The following CFAP61 variants were observed in gnomAD, a reference collection of about 807,000 sequenced individuals.
The protein encoded by CFAP61 is cilia and flagella associated protein 61, also known as cilia- and flagella-associated protein 61.
A neutral mutation model predicts 135.6 loss-of-function variants in CFAP61; 107 were observed. That is an observed-to-expected ratio of 0.79 (90% CI 0.67 to 0.93). The LOEUF (loss-of-function observed/expected upper bound fraction) is 0.93, where lower values mean the gene tolerates loss of function less well. CFAP61 is among the 40% of genes least tolerant of loss of function. The pLI, the probability that CFAP61 is intolerant of heterozygous loss-of-function variation, is 0.00. For missense variants in CFAP61, 1,507 were observed against 1,556.2 expected (o/e 0.97, Z 0.53); for synonymous variants, 575 against 578.5 (o/e 0.99, Z 0.09).
intron 2 of CFAP61, among the ~76,000 whole-genome samples, chr20:20,057,137 AAAAAGAAGG>A (rs1449955528): frequency 2.0e-5 from 3 of 151,674 alleles, no homozygotes; most frequent in Non-Finnish European, 4.4e-5. Flanking sequence ...AAAAAAAAAA[AAAAAGAAGG>A]TTCCTCAATT....
intron 11 of CFAP61, 89 bp from the exon 12 acceptor site, chr20:20,166,308 G>T: frequency 9.3e-7 from 1 of 1,080,464 alleles, no homozygotes. Context: ...ATCGCTGCCC[G>T]AGGGGAGGGA....
Position 20,237,507 on chromosome 20 carries a change from C to T in CFAP61, c.2061-8610C>T, listed in dbSNP as rs2049690005. Among the ~76,000 whole-genome samples the T allele has an allele frequency of 2.0e-5, 3 of 152,192 alleles. 1 individual carries two copies. The South Asian group carries it at 6.2e-4, about 32-fold the overall frequency. The stretch of plus-strand genomic sequence containing the variant: ...CTGCCCACTCCCTTCTAGATGTGTT[C>T]AGAATCCTCCATCCCACACCTCCTC... On this transcript the variant is annotated intron_variant, in intron 18 of 26. Transcript: ENST00000245957.
At chr20:20,309,613 A>G (rs113689213) in intron 25 of CFAP61, among the ~76,000 whole-genome samples, 145 of 152,300 alleles carry the variant, frequency 9.5e-4, no homozygotes, top group African/African-American at 3.2e-3. Flanking sequence ...CATACAGGAC[A>G]AATAGGAGTA....
chr20:20,236,420 G>T (rs992579123), intron 18 of CFAP61, among the ~76,000 whole-genome samples: 10 of 152,122 alleles, frequency 6.6e-5, no homozygotes, highest in African/African-American at 2.4e-4. Context: ...ATTGCTCATT[G>T]TAACTAACTC....
intron 8 of CFAP61, among the ~76,000 whole-genome samples, chr20:20,124,400 TG>T (rs2146703222): frequency 1.3e-5 from 2 of 151,940 alleles, no homozygotes; most frequent in South Asian, 4.1e-4. Flanking sequence ...TTTATTACAT[TG>T]AGGTATGTTC....
At chr20:20,164,982 T>A (rs2053708099) in intron 11 of CFAP61, among the ~76,000 whole-genome samples, 2 of 152,248 alleles carry the variant, frequency 1.3e-5, no homozygotes, top group South Asian at 4.2e-4. Context: ...ACAAGAACAG[T>A]ATGGGGGAAC....
chr20:20,290,426 A>G (rs1357817114), intron 24 of CFAP61, 35 bp downstream of exon 24: 1 of 1,371,402 alleles, frequency 7.3e-7, no homozygotes, highest in Non-Finnish European at 1.0e-6. Flanking sequence ...TTTACTTTCA[A>G]ATACAAAACT....
At chr20:20,230,995 A>C (rs748826850) in intron 18 of CFAP61, among the ~76,000 whole-genome samples, 4 of 152,168 alleles carry the variant, frequency 2.6e-5, no homozygotes, top group Admixed American at 6.5e-5. Flanking sequence ...AAACAAACAC[A>C]ACTTTGTTCT....
chr20:20,228,892 G>C (rs2048929002), intron 18 of CFAP61, among the ~76,000 whole-genome samples: 1 of 152,228 alleles, frequency 6.6e-6, no homozygotes, highest in Admixed American at 6.5e-5. Context: ...CTGGGGAATG[G>C]TCTAGGAATC....
intron 11 of CFAP61, among the ~76,000 whole-genome samples, chr20:20,165,576 C>A (rs13039276): frequency 6.6e-6 from 1 of 151,916 alleles, no homozygotes; most frequent in Non-Finnish European, 1.5e-5. Flanking sequence ...GGACACTGGA[C>A]GCTGCCCTCA....
chr20:20,277,036 G>C (rs2053813619), intron 21 of CFAP61, 130 bp from the exon 22 acceptor site: 1 of 665,834 alleles, frequency 1.5e-6, no homozygotes, highest in East Asian at 2.7e-5. Context: ...GCCGTTGCTA[G>C]GTAACACCGC....
chr20:20,165,754 TCCCAG>T (rs1569044336), intron 11 of CFAP61, among the ~76,000 whole-genome samples: 2 of 152,188 alleles, frequency 1.3e-5, no homozygotes, highest in African/African-American at 4.8e-5. Context: ...TTAAACATGT[TCCCAG>T]TCTCCCAGCA....
intron 2 of CFAP61, among the ~76,000 whole-genome samples, chr20:20,063,680 C>A (rs1050991761): frequency 2.0e-5 from 3 of 152,128 alleles, no homozygotes; most frequent in Non-Finnish European, 4.4e-5. Flanking sequence ...TGCCTGTTGT[C>A]ATGAGATCCT....
chr20:20,142,932 C>T lies in CFAP61; in HGVS notation c.935C>T (p.Thr312Ile), dbSNP rs2051531553. The change falls in exon 9 of 27, where the codon ACC (threonine) becomes ATC (isoleucine). Residue 312 changes from threonine to isoleucine, a missense_variant. Coordinates refer to ENST00000245957, the MANE Select transcript of CFAP61 (RefSeq NM_015585.4). ...EELQEPVSPD[T>I]MENIQGNIAR... Reference sequence around the variant, plus strand: ...TTGCAGGAACCTGTCTCTCCAGATACCATGGAAAACATCCAGGTGAGAGAG... The same window carrying T: ...TTGCAGGAACCTGTCTCTCCAGATATCATGGAAAACATCCAGGTGAGAGAG... 3 of 1,589,880 alleles carry T rather than the reference C, an allele frequency of 1.9e-6. No individual in the cohort carries two copies. Among genetic ancestry groups the T allele is most frequent in the Non-Finnish European group, 2.6e-6 (3 of 1,165,700 alleles).
intron 17 of CFAP61, among the ~76,000 whole-genome samples, chr20:20,213,126 C>T (rs575190897): frequency 3.9e-4 from 60 of 152,324 alleles, no homozygotes; most frequent in African/African-American, 1.3e-3. Context: ...CACTTCTTCC[C>T]TCAGACCCTC....
At chr20:20,117,612 G>A (rs544041909) in intron 8 of CFAP61, among the ~76,000 whole-genome samples, 1 of 152,096 alleles carries the variant, frequency 6.6e-6, no homozygotes, top group South Asian at 2.1e-4. Flanking sequence ...TGTTTTTTCT[G>A]TTTCTATGAA....
rs1371976088 is a variant in CFAP61 at position 20,354,673 on chromosome 20, GA to G, written c.3514-5536del. Reference sequence around the variant, plus strand: ...GGAAGGTGGTCACACTGTGAGAAGGGAGGTAGTCACATTGTGAGAGAAAAAG... The same window carrying G: ...GGAAGGTGGTCACACTGTGAGAAGGGGGTAGTCACATTGTGAGAGAAAAAG... On this transcript the variant is annotated intron_variant, in intron 26 of 26. Coordinates refer to ENST00000245957, the MANE Select transcript of CFAP61 (RefSeq NM_015585.4). Among the ~76,000 whole-genome samples, 6 of 151,770 alleles carry G rather than the reference GA, an allele frequency of 4.0e-5. No individual in the cohort carries two copies. In the East Asian group the frequency reaches 1.2e-3, roughly 30 times the overall value.
At chr20:20,203,167 C>T (rs1403440799) in intron 17 of CFAP61, among the ~76,000 whole-genome samples, 1 of 152,148 alleles carries the variant, frequency 6.6e-6, no homozygotes, top group Admixed American at 6.5e-5. Context: ...TACCCCGCAG[C>T]AGGTCATAAA....
intron 8 of CFAP61, among the ~76,000 whole-genome samples, chr20:20,131,819 G>A (rs1001655424): frequency 6.6e-6 from 1 of 151,772 alleles, no homozygotes; most frequent in Non-Finnish European, 1.5e-5. Flanking sequence ...GTTTTGGTAT[G>A]TAACTAATGT....
Sources: allele counts gnomAD v4.1 joint callset (sites outside exome capture counted in the v4.1 genomes callset), GRCh38; gene constraint gnomAD v4.1.1; transcripts MANE v1.5; gene names NCBI Gene and HGNC (gene_info 2026-07-23, HGNC 2026-07-21).